The following ANKFN1 variants were observed in gnomAD, a reference collection of about 807,000 sequenced individuals.
ANKFN1 encodes the protein ankyrin repeat and fibronectin type-III domain-containing protein 1.
ANKFN1 carries 74 observed loss-of-function variants against 108.7 expected under a neutral mutation model. That is an observed-to-expected ratio of 0.68 (90% CI 0.56 to 0.83). The LOEUF is 0.83. Ranked by LOEUF, ANKFN1 falls within the 40% of genes least tolerant of loss-of-function variation. The pLI is 0.00. For missense variants in ANKFN1, 1,505 were observed against 1,382.3 expected (o/e 1.09, Z -1.41); for synonymous variants, 547 against 516.2 (o/e 1.06, Z -0.81).
chr17:56,385,580 G>A (rs2047237625), intron 8 of ANKFN1, among the ~76,000 whole-genome samples: 1 of 152,088 alleles, frequency 6.6e-6, no homozygotes, highest in Admixed American at 6.5e-5. Context: ...ATCTGACAAT[G>A]GGCTAATATC....
intron 3 of ANKFN1, among the ~76,000 whole-genome samples, chr17:56,283,053 A>G (rs1421451144): frequency 1.3e-5 from 2 of 152,124 alleles, no homozygotes; most frequent in African/African-American, 2.4e-5. Flanking sequence ...AGTTTGGTGT[A>G]TATATTATTT....
chr17:56,440,412 A>ATT lies in ANKFN1; in HGVS notation c.996_997insTT (p.Gly333LeufsTer18). 1 of 1,610,680 alleles carries ATT rather than the reference A, an allele frequency of 6.2e-7. No homozygotes were observed. Among genetic ancestry groups the ATT allele is most frequent in the Non-Finnish European group, 8.5e-7 (1 of 1,177,484 alleles). ...TGCAGACTCTGAGATGCACAATCAC[A>ATT]GGACTTACAATGGTAAATGTCCCCA... On this transcript the variant is annotated frameshift_variant, in exon 9 of 21. Coordinates refer to ENST00000682825, the MANE Select transcript of ANKFN1 (RefSeq NM_001370326.1). LOFTEE classifies it high-confidence loss of function.
rs2051832867 is a variant in ANKFN1, at chr17:56,513,476, C to T, written c.*2207C>T. ...TTATTTCTAATTATAAAATGGATTACTTTGTTCAATGAGTTTGTGAGATGA... is the reference window on the plus strand; with the variant it reads ...TTATTTCTAATTATAAAATGGATTATTTTGTTCAATGAGTTTGTGAGATGA... On this transcript the variant is annotated 3_prime_UTR_variant, in exon 21 of 21. Coordinates refer to ENST00000682825, the MANE Select transcript of ANKFN1 (RefSeq NM_001370326.1). Among the ~76,000 whole-genome samples, 1 of 152,134 alleles carries T rather than the reference C, an allele frequency of 6.6e-6. No homozygotes were observed. The highest frequency in any genetic ancestry group is 2.4e-5 in the African/African-American group (1 of 41,430).
chr17:56,398,027 A>G (rs1321522050), intron 8 of ANKFN1, among the ~76,000 whole-genome samples: 3 of 152,142 alleles, frequency 2.0e-5, no homozygotes, highest in African/African-American at 7.2e-5. Flanking sequence ...TTTCTAAATT[A>G]GGTCTTCCTG....
chr17:56,194,827 G>A lies in ANKFN1; in HGVS notation c.-70-17771G>A, dbSNP rs192538632. Among the ~76,000 whole-genome samples the A allele has an allele frequency of 4.6e-5, 7 of 152,250 alleles. No individual in the cohort carries two copies. The East Asian group carries it at 1.3e-3, about 29-fold the overall frequency. Reference sequence around the variant, plus strand: ...GGGGCTAGGCAGGTGTGTGGGCAGAGGATATTTGGGAAATCCCTGTACCAT... The same window carrying A: ...GGGGCTAGGCAGGTGTGTGGGCAGAAGATATTTGGGAAATCCCTGTACCAT... On this transcript the variant is annotated intron_variant, in intron 1 of 20. Coordinates refer to ENST00000682825, the MANE Select transcript of ANKFN1 (RefSeq NM_001370326.1).
At chr17:56,167,077 A>G (rs1910186943) in intron 1 of ANKFN1, among the ~76,000 whole-genome samples, 1 of 151,946 alleles carries the variant, frequency 6.6e-6, no homozygotes, top group African/African-American at 2.4e-5. Context: ...AAATGGAGAT[A>G]AAGAGAGAAA....
chr17:56,513,216 A>G lies in ANKFN1; in HGVS notation c.*1947A>G, dbSNP rs1182387293. On this transcript the variant is annotated 3_prime_UTR_variant, in exon 21 of 21. Transcript: ENST00000682825. ...CACACCTAGTTACCTCTTGATTGTT[A>G]TCTACAGGGAATCTCCTATTTTGTA... Among the ~76,000 whole-genome samples, 26 of 152,170 alleles carry G rather than the reference A, an allele frequency of 1.7e-4. No homozygotes were observed. Among genetic ancestry groups the G allele is most frequent in the Non-Finnish European group, 7.3e-5 (5 of 68,040 alleles).
rs1175301331 is a variant in ANKFN1 at position 56,467,852 on chromosome 17, A to AAGAAAGAAAG, written c.1773+1282_1773+1283insGAAAGAAAGA. Among the ~76,000 whole-genome samples, 83 of 22,940 alleles carry AAGAAAGAAAG rather than the reference A, an allele frequency of 3.6e-3. 4 individuals carry two copies. Among genetic ancestry groups the AAGAAAGAAAG allele is most frequent in the Middle Eastern group, 0.019 (1 of 52 alleles). 15.0% of individuals were successfully genotyped at this position (22,940 alleles called of 152,430 possible). ...AAAGAAAGAAAGAAAGAAAGAAAGA[A>AAGAAAGAAAG]AAAGGGAAAGAAAGAAAGAACTAGA... On this transcript the variant is annotated intron_variant, in intron 15 of 20. Coordinates refer to ENST00000682825, the MANE Select transcript of ANKFN1 (RefSeq NM_001370326.1).
Position 56,350,981 on chromosome 17 carries a change from T to G in ANKFN1, c.390+14T>G. 9 of 1,611,090 alleles carry G rather than the reference T, an allele frequency of 5.6e-6. No homozygotes were observed. Among genetic ancestry groups the G allele is most frequent in the Non-Finnish European group, 7.6e-6 (9 of 1,178,192 alleles). On this transcript the variant is annotated intron_variant, in intron 5 of 20. Coordinates refer to ENST00000682825, the MANE Select transcript of ANKFN1 (RefSeq NM_001370326.1). The stretch of plus-strand genomic sequence containing the variant: ...AAGACCTCGGTGGTAACAAAACTGT[T>G]TTTATTCTTGTGTCAGTTTGATTTA...
chr17:56,139,572 C>G (rs996039812), intron 4 of ANKFN1, among the ~76,000 whole-genome samples: 1 of 152,040 alleles, frequency 6.6e-6, no homozygotes, highest in South Asian at 2.1e-4. Flanking sequence ...GCTCTGTTGC[C>G]GACAGACAGA....
At chr17:56,179,157 C>G (rs963775340) in intron 1 of ANKFN1, among the ~76,000 whole-genome samples, 2 of 152,160 alleles carry the variant, frequency 1.3e-5, no homozygotes, top group African/African-American at 2.4e-5. Flanking sequence ...TTATTTTAAC[C>G]AGGCTCTAAA....
chr17:56,304,620 G>A (rs1311499026), intron 3 of ANKFN1, among the ~76,000 whole-genome samples: 1 of 152,014 alleles, frequency 6.6e-6, no homozygotes, highest in Non-Finnish European at 1.5e-5. Context: ...CAATGTATGA[G>A]TGATCCAGTT....
chr17:56,141,197 G>C (rs148371340), intron 4 of ANKFN1, among the ~76,000 whole-genome samples: 109 of 152,302 alleles, frequency 7.2e-4, no homozygotes, highest in African/African-American at 2.5e-3. Context: ...ATCAGGGACA[G>C]TGGGTGTTGG....
At chr17:56,057,645 G>T (rs1904902332) in intron 4 of ANKFN1, among the ~76,000 whole-genome samples, 1 of 152,094 alleles carries the variant, frequency 6.6e-6, no homozygotes, top group South Asian at 2.1e-4. Context: ...AATTAGCCGG[G>T]TCTCATGCCA....
intron 3 of ANKFN1, among the ~76,000 whole-genome samples, chr17:56,279,973 A>G (rs934077808): frequency 3.3e-5 from 5 of 151,550 alleles, no homozygotes; most frequent in African/African-American, 4.9e-5. Context: ...AAACCAATTA[A>G]ATCAGAATAT....
At chr17:56,418,126 G>A (rs554774963) in intron 8 of ANKFN1, among the ~76,000 whole-genome samples, 298 of 152,262 alleles carry the variant, frequency 2.0e-3, no homozygotes, top group Middle Eastern at 3.4e-3. Context: ...GGTTTCTGGA[G>A]GCATCCTTTT....
At chr17:56,227,859 A>G in intron 2 of ANKFN1, 58 bp from the exon 3 acceptor site, 1 of 1,429,540 alleles carries the variant, frequency 7.0e-7, no homozygotes, top group South Asian at 1.3e-5. Context: ...CTCCTTTTTC[A>G]TTTTGAATTG....
intron 20 of ANKFN1, among the ~76,000 whole-genome samples, chr17:56,501,484 A>G (rs2051367461): frequency 6.6e-6 from 1 of 152,212 alleles, no homozygotes; most frequent in African/African-American, 2.4e-5. Flanking sequence ...CTTGCCAAAA[A>G]AAAAGGTAAG....
chr17:56,255,493 A>C lies in ANKFN1; in HGVS notation c.53+27536A>C, dbSNP rs1045661395. Among the ~76,000 whole-genome samples the C allele has an allele frequency of 2.0e-5, 3 of 152,288 alleles. No individual in the cohort carries two copies. In the South Asian group the frequency reaches 6.2e-4, roughly 32 times the overall value. On this transcript the variant is annotated intron_variant, in intron 3 of 20. Transcript: ENST00000682825. ...TTCCTTGTGAGAAACAGACTGGAAA[A>C]ATGAAAATGAAAATACTGCATTTCC... is the stretch of plus-strand genomic sequence containing the variant.
Sources: allele counts gnomAD v4.1 joint callset (sites outside exome capture counted in the v4.1 genomes callset), GRCh38; gene constraint gnomAD v4.1.1; transcripts MANE v1.5; gene names NCBI Gene and HGNC (gene_info 2026-07-23, HGNC 2026-07-21).